PKP4: variants seen among roughly 807,000 people sequenced by gnomAD.
PKP4 encodes the protein plakophilin-4.
In PKP4, 90 loss-of-function variants were observed where a neutral mutation model predicts 145.1. That is an observed-to-expected ratio of 0.62 (90% CI 0.52 to 0.74). The LOEUF (loss-of-function observed/expected upper bound fraction) is 0.74. Ranked by LOEUF, PKP4 falls within the 30% of genes least tolerant of loss-of-function variation. The pLI is 0.00. For synonymous variants in PKP4, 563 were observed against 577.2 expected, an observed-to-expected ratio of 0.98 and a Z score of 0.35; for missense variants, 1,340 against 1,482.7, an observed-to-expected ratio of 0.90 and a Z score of 1.58.
intron 1 of PKP4, among the ~76,000 whole-genome samples, chr2:158,530,907 T>C (rs1474125321): frequency 6.6e-6 from 1 of 152,182 alleles, no homozygotes; most frequent in Non-Finnish European, 1.5e-5. Flanking sequence ...ATTAGTTTCT[T>C]TTACACAGTT....
chr2:158,640,866 T>C, intron 10 of PKP4, 107 bp downstream of exon 10: 1 of 1,213,982 alleles, frequency 8.2e-7, no homozygotes. Flanking sequence ...AAGAGTCTTT[T>C]TAAAGGGATA....
rs745750324 is a variant in PKP4 at position 158,577,399 on chromosome 2, C to T, written c.245+16C>T. On this transcript the variant is annotated intron_variant, in intron 3 of 21. Coordinates refer to ENST00000389759, the MANE Select transcript of PKP4 (RefSeq NM_003628.6). ...CCAGCACCAGGTACAGGGCCAATGG[C>T]TCCATCTTTATGCACACTCAAGTTA... 6.6e-7 allele frequency: 1 copy of T among 1,516,812 alleles called. No homozygotes were observed. Among genetic ancestry groups the T allele is most frequent in the Non-Finnish European group, 9.1e-7 (1 of 1,094,572 alleles). 94.0% of individuals were successfully genotyped at this position (1,516,812 alleles called of 1,614,324 possible).
At chr2:158,470,839 A>T (rs534896807) in intron 1 of PKP4, among the ~76,000 whole-genome samples, 6 of 152,242 alleles carry the variant, frequency 3.9e-5, no homozygotes, top group Non-Finnish European at 8.8e-5. Flanking sequence ...TTTTAAAAAG[A>T]TTGGCCAGAG....
At chr2:158,515,689 A>G (rs1559252739) in intron 1 of PKP4, among the ~76,000 whole-genome samples, 1 of 152,168 alleles carries the variant, frequency 6.6e-6, no homozygotes, top group African/African-American at 2.4e-5. Context: ...GAATGATAAT[A>G]ATTATCATAT....
chr2:158,569,151 G>C (rs2047228456), intron 2 of PKP4, among the ~76,000 whole-genome samples: 1 of 152,180 alleles, frequency 6.6e-6, no homozygotes, highest in Non-Finnish European at 1.5e-5. Context: ...CTAAGTTACA[G>C]ATGAGAGCCT....
At chr2:158,471,607 T>G (rs866871964) in intron 1 of PKP4, among the ~76,000 whole-genome samples, 1 of 152,256 alleles carries the variant, frequency 6.6e-6, no homozygotes, top group Non-Finnish European at 1.5e-5. Context: ...GGAAGTAAGA[T>G]TCATCTCTTC....
intron 2 of PKP4, among the ~76,000 whole-genome samples, chr2:158,544,589 C>CA (rs1165546873): frequency 1.3e-5 from 2 of 152,010 alleles, no homozygotes; most frequent in Non-Finnish European, 2.9e-5. Context: ...GTAGGCTGCA[C>CA]AAAAAAGACA....
At chr2:158,502,050 G>A (rs1395044188) in intron 1 of PKP4, among the ~76,000 whole-genome samples, 1 of 152,108 alleles carries the variant, frequency 6.6e-6, no homozygotes, top group Non-Finnish European at 1.5e-5. Flanking sequence ...AGGGCTGGAA[G>A]CTCTTATCTA....
intron 4 of PKP4, among the ~76,000 whole-genome samples, chr2:158,619,262 G>T (rs2051958069): frequency 6.6e-6 from 1 of 152,202 alleles, no homozygotes; most frequent in Admixed American, 6.5e-5. Flanking sequence ...GGTATTGTCA[G>T]CCTGACAGTG....
At chr2:158,459,633 A>G (rs929019242) in intron 1 of PKP4, among the ~76,000 whole-genome samples, 3 of 152,230 alleles carry the variant, frequency 2.0e-5, no homozygotes, top group Non-Finnish European at 2.9e-5. Flanking sequence ...GTAAATGCCA[A>G]CAGGAAACTT....
At chr2:158,461,736 A>G (rs1376597748) in intron 1 of PKP4, among the ~76,000 whole-genome samples, 1 of 152,150 alleles carries the variant, frequency 6.6e-6, no homozygotes, top group Non-Finnish European at 1.5e-5. Context: ...TTTCCTCTCC[A>G]CTAAATATAA....
At chr2:158,620,948 T>G in intron 4 of PKP4, 42 bp from the exon 5 acceptor site, 1 of 1,572,592 alleles carries the variant, frequency 6.4e-7, no homozygotes, top group Non-Finnish European at 8.7e-7. Context: ...AGTTTTTATG[T>G]AATGTTATTA....
intron 6 of PKP4, among the ~76,000 whole-genome samples, chr2:158,623,164 T>G (rs1440138193): frequency 6.6e-6 from 1 of 152,104 alleles, no homozygotes; most frequent in African/African-American, 2.4e-5. Flanking sequence ...CAATCATGCT[T>G]TTTTTGTTGT....
intron 10 of PKP4, 152 bp downstream of exon 10, chr2:158,640,911 AT>A (rs1235601665): frequency 2.0e-5 from 16 of 803,044 alleles, no homozygotes; most frequent in Admixed American, 2.8e-5. Context: ...TTAACTATGC[AT>A]TTCAGTATCT....
intron 4 of PKP4, among the ~76,000 whole-genome samples, chr2:158,606,572 C>G (rs1357475640): frequency 6.6e-6 from 1 of 152,076 alleles, no homozygotes; most frequent in Non-Finnish European, 1.5e-5. Context: ...TTAAAAAGTA[C>G]AAAAAGTGGA....
At chr2:158,629,874 C>T (rs965324828) in intron 7 of PKP4, among the ~76,000 whole-genome samples, 17 of 152,186 alleles carry the variant, frequency 1.1e-4, no homozygotes, top group African/African-American at 4.1e-4. Flanking sequence ...GCTGGGATTA[C>T]AGGCGCCTGC....
intron 4 of PKP4, among the ~76,000 whole-genome samples, chr2:158,607,423 A>G (rs1250707984): frequency 6.6e-6 from 1 of 152,148 alleles, no homozygotes; most frequent in Non-Finnish European, 1.5e-5. Context: ...TAGTTACGAA[A>G]GTGTGGGTTG....
At position 158,466,785 on chromosome 2, in the gene PKP4, G is replaced by A. The variant is rs190579614; in HGVS notation, c.-6+9567G>A. Among the ~76,000 whole-genome samples, 5 of 152,306 alleles carry A rather than the reference G, an allele frequency of 3.3e-5. 1 individual carries two copies. The East Asian group carries it at 9.6e-4, about 29-fold the overall frequency. On this transcript the variant is annotated intron_variant, in intron 1 of 21. Transcript: ENST00000389759. ...TAATTGCCTGGATTATAACCATAGT[G>A]AGATGAGTTTTCATAATGCTCTTTA...
At chr2:158,565,435 C>CTTTTTTTTTTTTTTTTTTCTTT (rs10690465) in intron 2 of PKP4, among the ~76,000 whole-genome samples, 11 of 135,760 alleles carry the variant, frequency 8.1e-5, no homozygotes, top group Non-Finnish European at 1.4e-4. Context: ...TTCTTTTTTC[C>CTTTTTTTTTTTTTTTTTTCTTT]TTTTTTTTTT....
Sources: allele counts gnomAD v4.1 joint callset (sites outside exome capture counted in the v4.1 genomes callset), GRCh38; gene constraint gnomAD v4.1.1; transcripts MANE v1.5; gene names NCBI Gene and HGNC (gene_info 2026-07-23, HGNC 2026-07-21).